The following IFT140 variants were observed in gnomAD, a reference collection of about 807,000 sequenced individuals.
IFT140 encodes the protein intraflagellar transport 140, also known as intraflagellar transport protein 140 homolog.
In IFT140, 133 loss-of-function variants were observed where a neutral mutation model predicts 164.6. That is an observed-to-expected ratio of 0.81 (90% CI 0.70 to 0.93). IFT140 has a LOEUF of 0.93. Among genes scored for constraint, IFT140 ranks in the 40% least tolerant of loss-of-function variants. The pLI, the probability that IFT140 is intolerant of heterozygous loss-of-function variation, is 0.00. For missense variants in IFT140, 2,045 were observed against 1,972.3 expected (o/e 1.04, Z -0.70); for synonymous variants, 860 against 817.3 (o/e 1.05, Z -0.89).
chr16:1,525,899 C>G lies in IFT140; in HGVS notation c.2756G>C (p.Arg919Pro). Residue 919 changes from arginine to proline, a missense_variant, in exon 21 of 31, where the codon CGG becomes CCG. Coordinates refer to ENST00000426508, the MANE Select transcript of IFT140 (RefSeq NM_014714.4). Reference sequence around the variant, plus strand: ...GGGCCGCACTCACTAACTGAGGGCCCGGCTGCAGTCGGCGCTGGCCTCCAG... The same window carrying G: ...GGGCCGCACTCACTAACTGAGGGCCGGGCTGCAGTCGGCGCTGGCCTCCAG... ...GHLEASADCS[R>P]ALSYYEKSDT... is the part of the protein sequence containing the mutation. The G allele has an allele frequency of 3.2e-6, 5 of 1,546,938 alleles. No homozygotes were observed. The highest frequency in any genetic ancestry group is 4.4e-6 in the Non-Finnish European group (5 of 1,147,410).
rs374488263 is a variant in IFT140, at chr16:1,584,197, C to T, written c.1359+20G>A. ...AGTTCTTCTGTCTGTGTCCCACCCA[C>T]GGGTCCCCTCGGCAGTCACCTTGGT... On this transcript the variant is annotated intron_variant, in intron 11 of 30. Transcript: ENST00000426508. 99 of 1,606,418 alleles carry T rather than the reference C, an allele frequency of 6.2e-5. 1 individual carries two copies. The African/African-American group carries it at 8.4e-4, about 14-fold the overall frequency.
At chr16:1,534,221 G>A (rs952169822) in intron 19 of IFT140, 29 of 1,593,514 alleles carry the variant, frequency 1.8e-5, no homozygotes, top group East Asian at 8.9e-5. Context: ...CTGGACGTGC[G>A]GCCGCGGACT....
At chr16:1,592,638 CT>C in intron 4 of IFT140, 50 bp from the exon 5 acceptor site, 2 of 1,577,848 alleles carry the variant, frequency 1.3e-6, no homozygotes, top group Non-Finnish European at 8.6e-7. Context: ...GGCAGAGCGA[CT>C]GGTGGAGGGA....
chr16:1,577,864 A>C (rs1435694260), intron 13 of IFT140: 2 of 152,136 alleles, frequency 1.3e-5, no homozygotes, highest in East Asian at 3.8e-4. Context: ...TTAAAAAAAA[A>C]AGCCTTGCTG....
chr16:1,574,399 C>T (rs185300632), intron 13 of IFT140, among the ~76,000 whole-genome samples: 1 of 152,272 alleles, frequency 6.6e-6, no homozygotes, highest in East Asian at 1.9e-4. Context: ...CCCACCTAAG[C>T]CTCCCAAGTA....
chr16:1,525,139 C>T (rs2040646131), intron 22 of IFT140, 92 bp downstream of exon 22: 1 of 1,243,612 alleles, frequency 8.0e-7, no homozygotes, highest in African/African-American at 1.5e-5. Context: ...GTGCAGGAAG[C>T]ACGGGAAAGG....
At chr16:1,535,058 T>A (rs530621940) in intron 19 of IFT140, among the ~76,000 whole-genome samples, 26 of 151,598 alleles carry the variant, frequency 1.7e-4, no homozygotes, top group Non-Finnish European at 2.8e-4. Flanking sequence ...AAAAAAAAAA[T>A]GAAAATGCTC....
intron 4 of IFT140, among the ~76,000 whole-genome samples, chr16:1,595,353 C>T (rs1180311270): frequency 6.6e-6 from 1 of 151,994 alleles, no homozygotes; most frequent in Non-Finnish European, 1.5e-5. Flanking sequence ...CTTGGTGGCT[C>T]ACGCCTCTCA....
chr16:1,524,777 A>T lies in IFT140; in HGVS notation c.2997+7T>A, dbSNP rs946595729. 25 of 1,602,358 alleles carry T rather than the reference A, an allele frequency of 1.6e-5. No homozygotes were observed. Among genetic ancestry groups the T allele is most frequent in the Non-Finnish European group, 1.9e-5 (22 of 1,170,900 alleles). The stretch of plus-strand genomic sequence containing the variant: ...CCGCCTGGCCGGCTCCCCTGCGGGG[A>T]CCTTACCTTCTGGACATTGCCCTGG... On this transcript the variant is annotated splice_region_variant and intron_variant, in intron 23 of 30. Coordinates refer to ENST00000426508, the MANE Select transcript of IFT140 (RefSeq NM_014714.4).
intron 12 of IFT140, among the ~76,000 whole-genome samples, chr16:1,582,021 G>A (rs1358523914): frequency 1.3e-5 from 2 of 152,132 alleles, no homozygotes; most frequent in African/African-American, 4.8e-5. Context: ...GCCCTGGGAA[G>A]AGCATGACAC....
intron 19 of IFT140, among the ~76,000 whole-genome samples, chr16:1,538,884 G>A (rs1222546982): frequency 1.3e-5 from 2 of 152,208 alleles, no homozygotes; most frequent in Non-Finnish European, 2.9e-5. Context: ...CAGTCAGCCA[G>A]GGCAGTGTCT....
At chr16:1,593,067 G>A (rs1257969483) in intron 4 of IFT140, among the ~76,000 whole-genome samples, 1 of 151,734 alleles carries the variant, frequency 6.6e-6, no homozygotes, top group Non-Finnish European at 1.5e-5. Flanking sequence ...AGGTGTCCTG[G>A]CAGAGTGACT....
intron 21 of IFT140, among the ~76,000 whole-genome samples, chr16:1,525,533 G>A (rs918179677): frequency 6.6e-6 from 1 of 152,168 alleles, no homozygotes; most frequent in Non-Finnish European, 1.5e-5. Flanking sequence ...GAGGCGGGTC[G>A]CCCATCCACA....
At chr16:1,584,173 G>A in intron 11 of IFT140, 44 bp downstream of exon 11, 1 of 1,571,580 alleles carries the variant, frequency 6.4e-7, no homozygotes, top group South Asian at 1.1e-5. Flanking sequence ...CCATGGGGCA[G>A]TTCTTCTGTC....
At chr16:1,572,662 A>C (rs1444053187) in intron 13 of IFT140, among the ~76,000 whole-genome samples, 1 of 152,154 alleles carries the variant, frequency 6.6e-6, no homozygotes, top group Non-Finnish European at 1.5e-5. Context: ...ACAACAACAA[A>C]AAAGAAAGCA....
chr16:1,554,913 A>G, intron 19 of IFT140: 5 of 1,614,220 alleles, frequency 3.1e-6, no homozygotes, highest in Middle Eastern at 3.3e-4. Context: ...CATCTGGAAC[A>G]TTCTCCACAA....
intron 4 of IFT140, among the ~76,000 whole-genome samples, chr16:1,601,505 A>G (rs1013527220): frequency 2.6e-5 from 4 of 152,212 alleles, no homozygotes; most frequent in Admixed American, 2.6e-4. Flanking sequence ...GGGCTGAAGC[A>G]TCGTTATCTG....
chr16:1,559,020 C>T (rs1419718570), intron 18 of IFT140, among the ~76,000 whole-genome samples: 1 of 152,196 alleles, frequency 6.6e-6, no homozygotes, highest in Admixed American at 6.5e-5. Flanking sequence ...TTGTCAGACG[C>T]AGTTGTGATG....
At position 1,541,940 on chromosome 16, in the gene IFT140, C is replaced by T. The variant is rs192631061; in HGVS notation, c.2400-15144G>A. On this transcript the variant is annotated intron_variant, in intron 19 of 30. Transcript: ENST00000426508. ...CCACAGTGCAGTTCGACATGATGCG[C>T]GCCTGCAACCTGGTGGCCACGGCCG... 434 of 1,606,386 alleles carry T rather than the reference C, an allele frequency of 2.7e-4. 2 individuals carry two copies. The African/African-American group carries it at 4.7e-3, about 17-fold the overall frequency.
Sources: gnomAD v4.1 joint callset for allele counts (sites outside exome capture counted in the v4.1 genomes callset) on GRCh38, gnomAD v4.1.1 for gene constraint, MANE v1.5 for transcripts, NCBI Gene and HGNC (gene_info 2026-07-23, HGNC 2026-07-21) for gene names.